MNDA: variants seen among roughly 807,000 people sequenced by gnomAD.
MNDA encodes the protein epididymis secretory sperm binding protein.
Under a neutral mutation model 37.8 loss-of-function variants are expected in MNDA, and 43 were observed. The observed-to-expected ratio is 1.14, with a 90% confidence interval of 0.89 to 1.47. MNDA has a LOEUF of 1.47. Among genes scored for constraint, MNDA ranks in the 40% most tolerant of loss-of-function variants. The pLI, the probability that MNDA is intolerant of heterozygous loss-of-function variation, is 0.00. For missense variants in MNDA, 536 were observed against 476.0 expected, an observed-to-expected ratio of 1.13 and a Z score of -1.17; for synonymous variants, 181 against 169.0, an observed-to-expected ratio of 1.07 and a Z score of -0.55.
intron 1 of MNDA, among the ~76,000 whole-genome samples, chr1:158,833,878 T>C (rs948255663): frequency 6.6e-6 from 1 of 152,220 alleles, no homozygotes; most frequent in African/African-American, 2.4e-5. Context: ...GAAGTGAAAT[T>C]ACTGAATCAT....
chr1:158,844,628 G>A (rs1278044836), intron 4 of MNDA, among the ~76,000 whole-genome samples: 1 of 151,396 alleles, frequency 6.6e-6, no homozygotes, highest in Non-Finnish European at 1.5e-5. Flanking sequence ...TCCTCTACCT[G>A]AGACTACTTA....
chr1:158,837,820 T>C (rs1206138569), intron 1 of MNDA, among the ~76,000 whole-genome samples: 1 of 151,028 alleles, frequency 6.6e-6, no homozygotes, highest in Non-Finnish European at 1.5e-5. Context: ...CTTCTTTTTG[T>C]TGATTTTTTT....
At chr1:158,848,662 C>G (rs928997300) in intron 6 of MNDA, among the ~76,000 whole-genome samples, 1 of 152,084 alleles carries the variant, frequency 6.6e-6, no homozygotes, top group Non-Finnish European at 1.5e-5. Flanking sequence ...TGCCTGATCA[C>G]TTTGATATTT....
At chr1:158,837,126 G>A (rs1047664754) in intron 1 of MNDA, among the ~76,000 whole-genome samples, 11 of 151,940 alleles carry the variant, frequency 7.2e-5, no homozygotes, top group Middle Eastern at 6.8e-3. Flanking sequence ...TGTGGTATAT[G>A]TTGGGACAAT....
intron 3 of MNDA, 102 bp downstream of exon 3, chr1:158,843,517 AT>A: frequency 8.3e-7 from 1 of 1,208,840 alleles, no homozygotes. Flanking sequence ...GATTTACCAA[AT>A]TAGTAATTAT....
intron 1 of MNDA, among the ~76,000 whole-genome samples, chr1:158,837,176 G>A (rs1284228048): frequency 1.3e-5 from 2 of 151,804 alleles, no homozygotes; most frequent in African/African-American, 2.4e-5. Context: ...TTCTACTGTT[G>A]TTGGCTTTAC....
intron 1 of MNDA, among the ~76,000 whole-genome samples, chr1:158,835,119 T>A (rs910665818): frequency 7.9e-5 from 12 of 152,216 alleles, no homozygotes; most frequent in African/African-American, 2.9e-4. Flanking sequence ...CTACATGAAT[T>A]TTAAGACAAA....
intron 5 of MNDA, among the ~76,000 whole-genome samples, chr1:158,846,204 A>G (rs1193173681): frequency 6.6e-6 from 1 of 152,210 alleles, no homozygotes; most frequent in Non-Finnish European, 1.5e-5. Flanking sequence ...GGACTTTGAA[A>G]AAAAGTTAGT....
At chr1:158,846,097 G>A in intron 5 of MNDA, 94 bp downstream of exon 5, 2 of 1,160,618 alleles carry the variant, frequency 1.7e-6, no homozygotes, top group Non-Finnish European at 2.4e-6. Context: ...TGGAACACAA[G>A]AATTTATATT....
intron 1 of MNDA, among the ~76,000 whole-genome samples, chr1:158,840,802 G>A (rs1417577257): frequency 1.3e-5 from 2 of 151,872 alleles, no homozygotes; most frequent in African/African-American, 2.4e-5. Context: ...ATATTCTTTG[G>A]CTTTACTATA....
chr1:158,844,393 C>G (rs1431704654), intron 4 of MNDA, among the ~76,000 whole-genome samples: 2 of 151,186 alleles, frequency 1.3e-5, no homozygotes, highest in South Asian at 2.1e-4. Context: ...CTCCTAGTAC[C>G]AGTACATACA....
Position 158,845,696 on chromosome 1 carries a change from C to T in MNDA, c.680C>T (p.Ser227Phe). ...LKATAPFKYE[S>F]PENGKSTMFH... ...GCAACAGCGCCATTTAAATACGAGTCCCCAGAAAATGGGAAAAGCACAATG... is the reference window on the plus strand; with the variant it reads ...GCAACAGCGCCATTTAAATACGAGTTCCCAGAAAATGGGAAAAGCACAATG... Residue 227 changes from serine (S) to phenylalanine (F), a missense_variant, in exon 5 of 7, where the codon TCC (serine) becomes TTC (phenylalanine). Physicochemically the swap from Ser to Phe is radical, Grantham distance 155 (BLOSUM62 -2). Coordinates refer to ENST00000368141, the MANE Select transcript of MNDA (RefSeq NM_002432.3). 6.2e-7 allele frequency: 1 copy of T among 1,614,064 alleles called. No homozygotes were observed. The highest frequency in any genetic ancestry group is 8.5e-7 in the Non-Finnish European group (1 of 1,179,972).
rs772016102 is a variant in MNDA at position 158,849,179 on chromosome 1, T to A, written c.1177-11T>A. On this transcript the variant is annotated splice_polypyrimidine_tract_variant and intron_variant, in intron 6 of 6. Coordinates refer to ENST00000368141, the MANE Select transcript of MNDA (RefSeq NM_002432.3). ...AGGGTCTCATTATGTCTTTCTTATC[T>A]CTCTTTAAAGGTCATCAAGGCCAAG... 1 of 1,602,104 alleles carries A rather than the reference T, an allele frequency of 6.2e-7. No individual in the cohort carries two copies. The highest frequency in any genetic ancestry group is 1.1e-5 in the South Asian group (1 of 89,614).
chr1:158,844,380 T>C (rs1659092588), intron 4 of MNDA, among the ~76,000 whole-genome samples: 1 of 151,572 alleles, frequency 6.6e-6, no homozygotes. Flanking sequence ...GTAAGTAGCC[T>C]GGCTCCTAGT....
rs780858014 is a variant in MNDA at position 158,843,911 on chromosome 1, TTTGATAC to T, written c.403-42_403-36del. On this transcript the variant is annotated intron_variant, in intron 3 of 6. Transcript: ENST00000368141. Reference sequence around the variant, plus strand: ...AAAAATGAAAACTTGCTCTGCTTCTTTTGATACTAAACTCCATTAACAGGAAAATTAA... The same window carrying T: ...AAAAATGAAAACTTGCTCTGCTTCTTTAAACTCCATTAACAGGAAAATTAA... The T allele has an allele frequency of 1.7e-5, 26 of 1,507,730 alleles. No homozygotes were observed. The African/African-American group carries it at 3.4e-4, about 19-fold the overall frequency. The allele number at this position is 1,507,730 out of a possible 1,614,324, so 93.4% of individuals were successfully genotyped here. A position where few individuals can be genotyped will look rare whatever the true frequency, so the allele number is the denominator to read the frequency against.
intron 1 of MNDA, among the ~76,000 whole-genome samples, chr1:158,836,790 T>C (rs1658924758): frequency 6.6e-6 from 1 of 151,854 alleles, no homozygotes; most frequent in African/African-American, 2.4e-5. Context: ...TTTAAGTTCC[T>C]TATGGTGTAA....
chr1:158,836,863 C>T (rs1329319507), intron 1 of MNDA, among the ~76,000 whole-genome samples: 3 of 151,782 alleles, frequency 2.0e-5, no homozygotes, highest in Admixed American at 6.6e-5. Context: ...GTAAATTACC[C>T]TCATCACCAT....
intron 1 of MNDA, among the ~76,000 whole-genome samples, chr1:158,835,890 A>AT (rs544062636): frequency 6.8e-4 from 99 of 145,506 alleles, no homozygotes; most frequent in Middle Eastern, 3.6e-3. Flanking sequence ...TGAGATGATC[A>AT]TTTTTTTTTT....
chr1:158,843,994 A>G lies in MNDA; in HGVS notation c.442A>G (p.Arg148Gly). ...AAACAAAGAAAAGACTGAAGCCAAA[A>G]GGAATAAGGTGTCCCAAGAGCAGAG... ...TPNKEKTEAK[R>G]NKVSQEQSKP... The change falls in exon 4 of 7, where the codon AGG becomes GGG. Residue 148 changes from arginine (R) to glycine (G), a missense_variant. Physicochemically the swap from Arg to Gly is moderately radical, Grantham distance 125. Coordinates refer to ENST00000368141, the MANE Select transcript of MNDA (RefSeq NM_002432.3). 3 of 1,605,230 alleles carry G rather than the reference A, an allele frequency of 1.9e-6. No homozygotes were observed. Among genetic ancestry groups the G allele is most frequent in the Non-Finnish European group, 2.5e-6 (3 of 1,177,450 alleles).
Sources: allele counts gnomAD v4.1 joint callset (sites outside exome capture counted in the v4.1 genomes callset), GRCh38; gene constraint gnomAD v4.1.1; transcripts MANE v1.5; gene names NCBI Gene and HGNC (gene_info 2026-07-23, HGNC 2026-07-21).